ANK2: variants seen among roughly 807,000 people sequenced by gnomAD.
The protein encoded by ANK2 is ankyrin-2.
ANK2 carries 83 observed loss-of-function variants against 360.5 expected under a neutral mutation model. The ratio of observed to expected loss-of-function variants is 0.23; its 90% CI spans 0.19 to 0.28. ANK2 has a LOEUF of 0.28. Ranked by LOEUF, ANK2 falls within the 10% of genes least tolerant of loss-of-function variation. The probability of loss-of-function intolerance (pLI) is 1.00; values close to 1 mark genes in which losing one functional copy is unlikely to be tolerated. For missense variants in ANK2, 4,201 were observed against 4,795.7 expected (o/e 0.88, Z 3.66); for synonymous variants, 1,740 against 1,759.5 (o/e 0.99, Z 0.28).
intron 2 of ANK2, among the ~76,000 whole-genome samples, chr4:113,011,466 G>A (rs556584112): frequency 2.6e-5 from 4 of 152,214 alleles, no homozygotes; most frequent in African/African-American, 9.6e-5. Context: ...AAGACCCAAA[G>A]AAGCAGTTAG....
At chr4:112,826,528 C>A in intron 1 of ANK2, 1 of 1,309,990 alleles carries the variant, frequency 7.6e-7, no homozygotes, top group South Asian at 1.3e-5. Context: ...ATTGGCACTC[C>A]AATGCAAATC....
intron 29 of ANK2, among the ~76,000 whole-genome samples, chr4:113,334,685 GATTA>G (rs1420170709): frequency 1.2e-4 from 11 of 89,306 alleles, no homozygotes; most frequent in South Asian, 1.0e-3. Flanking sequence ...AAAGTTAATA[GATTA>G]ATTAATCTAT....
chr4:113,035,837 T>C (rs140940165), intron 2 of ANK2, among the ~76,000 whole-genome samples: 1 of 152,072 alleles, frequency 6.6e-6, no homozygotes, highest in East Asian at 1.9e-4. Context: ...AAATGTTTTA[T>C]ACTGGATATG....
intron 1 of ANK2, among the ~76,000 whole-genome samples, chr4:112,879,279 A>T (rs1052438428): frequency 1.3e-5 from 2 of 152,216 alleles, no homozygotes; most frequent in Non-Finnish European, 2.9e-5. Context: ...TCTGAGGTTC[A>T]GTCATAAATG....
At chr4:112,769,669 T>G in the ANK2 span, among the ~76,000 whole-genome samples, 1 of 152,140 alleles carries the variant, frequency 6.6e-6, no homozygotes, top group Non-Finnish European at 1.5e-5. Context: ...AGGTTAAACA[T>G]CGTTTCTGAG....
At chr4:112,894,537 A>G (rs1042886110) in intron 1 of ANK2, among the ~76,000 whole-genome samples, 4 of 152,246 alleles carry the variant, frequency 2.6e-5, no homozygotes, top group Admixed American at 2.6e-4. Flanking sequence ...TTGTAGATTT[A>G]GTAACACATT....
intron 2 of ANK2, among the ~76,000 whole-genome samples, chr4:112,985,669 A>G (rs2044592050): frequency 6.6e-6 from 1 of 152,194 alleles, no homozygotes; most frequent in African/African-American, 2.4e-5. Context: ...TAATTTAGTA[A>G]TATGAAAGTC....
intron 1 of ANK2, among the ~76,000 whole-genome samples, chr4:112,842,500 A>T (rs775742556): frequency 3.9e-5 from 6 of 152,128 alleles, no homozygotes; most frequent in Non-Finnish European, 8.8e-5. Flanking sequence ...TTTTGCATGG[A>T]CTTGGGGGCG....
chr4:113,125,575 CA>C (rs1294516718), intron 1 of ANK2, among the ~76,000 whole-genome samples: 2 of 152,132 alleles, frequency 1.3e-5, no homozygotes, highest in Non-Finnish European at 2.9e-5. Flanking sequence ...CTTGGGTAAA[CA>C]AATGACCTCA....
At chr4:112,714,923 G>C in the ANK2 span, among the ~76,000 whole-genome samples, 1 of 152,176 alleles carries the variant, frequency 6.6e-6, no homozygotes, top group African/African-American at 2.4e-5. Context: ...TATATAAATA[G>C]TTTCAATTAT....
the ANK2 span, among the ~76,000 whole-genome samples, chr4:112,715,129 C>A: frequency 6.6e-6 from 1 of 152,264 alleles, no homozygotes; most frequent in Non-Finnish European, 1.5e-5. Context: ...GTCTGGTGAC[C>A]AATACTACCT....
intron 1 of ANK2, among the ~76,000 whole-genome samples, chr4:113,061,022 TCTTTC>T: frequency 6.6e-6 from 1 of 152,224 alleles, no homozygotes; most frequent in East Asian, 1.9e-4. Context: ...AGCAGGGACC[TCTTTC>T]CAGTTGTTAA....
intron 2 of ANK2, chr4:113,031,188 A>ATT (rs955377022): frequency 3.3e-5 from 5 of 152,106 alleles, no homozygotes; most frequent in African/African-American, 1.2e-4. Context: ...ACAAATTTTA[A>ATT]TTTAAAATAA....
At chr4:113,293,247 G>A in intron 21 of ANK2, 193 bp from the exon 22 acceptor site, 2 of 693,624 alleles carry the variant, frequency 2.9e-6, no homozygotes, top group Non-Finnish European at 2.6e-6. Flanking sequence ...GTGTTACCAT[G>A]GTGACCTGGC....
At position 113,353,093 on chromosome 4, in the gene ANK2, T is replaced by A; in HGVS notation, c.4475T>A (p.Val1492Asp). 6.2e-7 allele frequency: 1 copy of A among 1,613,930 alleles called. No homozygotes were observed. Among genetic ancestry groups the A allele is most frequent in the Non-Finnish European group, 8.5e-7 (1 of 1,179,860 alleles). Reference sequence around the variant, plus strand: ...ACATCTGTCCTGAAAAGTCACCTGGTTAATGAAGTTCCTGTCCTAGCAAGT... The same window carrying A: ...ACATCTGTCCTGAAAAGTCACCTGGATAATGAAGTTCCTGTCCTAGCAAGT... Reference protein sequence around the residue: ...TETSVLKSHLVNEVPVLASPD... With the variant: ...TETSVLKSHLDNEVPVLASPD... Residue 1492 changes from valine (V) to aspartate (D), a missense_variant, in exon 38 of 46, where the codon GTT becomes GAT. This residue lies in a region of ANK2 where 1,268 missense variants were observed against 1,650.8 expected (regional missense o/e 0.77). Coordinates refer to ENST00000357077, the MANE Select transcript of ANK2 (RefSeq NM_001148.6).
intron 1 of ANK2, among the ~76,000 whole-genome samples, chr4:113,095,678 TTATAAG>T (rs1172467899): frequency 5.8e-4 from 88 of 152,300 alleles, no homozygotes; most frequent in Middle Eastern, 6.8e-3. Flanking sequence ...ACCTTTCTGT[TTATAAG>T]TATAATAATA....
chr4:112,849,530 T>C (rs1419515646), intron 1 of ANK2, among the ~76,000 whole-genome samples: 2 of 152,228 alleles, frequency 1.3e-5, no homozygotes, highest in African/African-American at 4.8e-5. Context: ...CCTTCTTCTT[T>C]GTTATCTCTT....
chr4:113,296,099 T>G (rs1441919105), intron 22 of ANK2, among the ~76,000 whole-genome samples: 1 of 152,166 alleles, frequency 6.6e-6, no homozygotes, highest in African/African-American at 2.4e-5. Flanking sequence ...AGATTTAGGT[T>G]GTCGGGTTTT....
intron 4 of ANK2, among the ~76,000 whole-genome samples, chr4:113,223,556 A>G (rs62313211): frequency 0.013 from 1,976 of 152,312 alleles, 23 homozygotes; most frequent in Non-Finnish European, 0.022. Flanking sequence ...TAGAGGTTCC[A>G]GGTAAGATAG....
Sources: gnomAD v4.1 joint callset for allele counts (sites outside exome capture counted in the v4.1 genomes callset) on GRCh38, gnomAD v4.1.1 for gene constraint, gnomAD v4.1.1 regional missense constraint, MANE v1.5 for transcripts, NCBI Gene and HGNC (gene_info 2026-07-23, HGNC 2026-07-21) for gene names.